Variants in ZFP2 observed in about 807,000 individuals in gnomAD.
ZFP2 encodes the protein ZFP2 zinc finger protein.
A neutral mutation model predicts 36.1 loss-of-function variants in ZFP2; 33 were observed. That is an observed-to-expected ratio of 0.92 (90% CI 0.69 to 1.22). ZFP2 has a LOEUF of 1.22. ZFP2 is among the 50% of genes most tolerant of loss of function. The pLI is 0.00. For synonymous variants in ZFP2, 170 were observed against 178.0 expected (o/e 0.96, Z 0.36); for missense variants, 522 against 551.4 (o/e 0.95, Z 0.53).
intron 1 of ZFP2, among the ~76,000 whole-genome samples, chr5:178,898,421 T>G (rs1268730295): frequency 1.3e-5 from 2 of 152,276 alleles, no homozygotes; most frequent in Admixed American, 1.3e-4. Context: ...GTCTTTCGTC[T>G]TTGTATAGCT....
At chr5:178,916,090 G>C (rs28663209) in intron 3 of ZFP2, among the ~76,000 whole-genome samples, 1,717 of 152,190 alleles carry the variant, frequency 0.011, 31 homozygotes, top group African/African-American at 0.039. Flanking sequence ...ACATAGTGAG[G>C]GGGCCAAGGA....
chr5:178,918,270 C>T (rs1330178321), intron 4 of ZFP2, among the ~76,000 whole-genome samples: 1 of 152,114 alleles, frequency 6.6e-6, no homozygotes, highest in East Asian at 1.9e-4. Flanking sequence ...ACCAGTTTGA[C>T]TGCTATATGG....
chr5:178,897,710 A>G (rs1345953535), intron 1 of ZFP2, among the ~76,000 whole-genome samples: 1 of 152,160 alleles, frequency 6.6e-6, no homozygotes, highest in Non-Finnish European at 1.5e-5. Flanking sequence ...TAGAATTTTA[A>G]TTTGTTCCAT....
intron 4 of ZFP2, among the ~76,000 whole-genome samples, chr5:178,924,203 C>G (rs966020902): frequency 6.7e-6 from 1 of 148,394 alleles, no homozygotes; most frequent in Admixed American, 6.8e-5. Context: ...GAAACCCCGT[C>G]TGTACTAAAA....
intron 4 of ZFP2, among the ~76,000 whole-genome samples, chr5:178,918,105 A>G (rs1270691846): frequency 6.6e-6 from 1 of 152,196 alleles, no homozygotes; most frequent in Non-Finnish European, 1.5e-5. Flanking sequence ...GTTTTTCTGT[A>G]AGGTATACCA....
At chr5:178,931,096 G>C (rs1260863530) in intron 4 of ZFP2, 141 bp from the exon 5 acceptor site, 1 of 849,188 alleles carries the variant, frequency 1.2e-6, no homozygotes, top group Non-Finnish European at 1.7e-6. Context: ...CCTAATTTTG[G>C]GTACATGTTT....
intron 4 of ZFP2, among the ~76,000 whole-genome samples, chr5:178,931,018 C>T (rs923315266): frequency 3.3e-5 from 5 of 152,188 alleles, no homozygotes; most frequent in Admixed American, 3.3e-4. Flanking sequence ...TCTGCCATCC[C>T]CTGCTTTCAG....
At chr5:178,917,217 G>A (rs1758450824) in intron 4 of ZFP2, among the ~76,000 whole-genome samples, 1 of 152,194 alleles carries the variant, frequency 6.6e-6, no homozygotes, top group Admixed American at 6.5e-5. Context: ...CAAAGATTAT[G>A]TGTAAAAATA....
chr5:178,903,400 A>G (rs1368628989), intron 1 of ZFP2, among the ~76,000 whole-genome samples: 12 of 152,198 alleles, frequency 7.9e-5, no homozygotes, highest in Non-Finnish European at 2.9e-5. Flanking sequence ...AAAGGCAATG[A>G]GAGAGAATTC....
At chr5:178,921,089 TCACATGTGTGTCA>T (rs1228314720) in intron 4 of ZFP2, among the ~76,000 whole-genome samples, 24 of 152,208 alleles carry the variant, frequency 1.6e-4, no homozygotes, top group African/African-American at 5.8e-4. Context: ...TGAATCTTGC[TCACATGTGTGTCA>T]CTCTGTGGCC....
At position 178,932,525 on chromosome 5, in the gene ZFP2, T is replaced by C; in HGVS notation, c.1212T>C (p.His404=). Residue 404 remains histidine, a synonymous_variant, in exon 5 of 5, where the codon CAT becomes CAC. Coordinates refer to ENST00000361362, the MANE Select transcript of ZFP2 (RefSeq NM_030613.4). ...ACCTTATTGAACATCAAAGAATTCA[T>C]ACTGGTGAGAAACCCTATGAATGTG... The part of the protein sequence containing the change: ...SAYLIEHQRI[H]TGEKPYECDQ... 3.1e-6 allele frequency: 5 copies of C among 1,614,142 alleles called. No individual in the cohort carries two copies. The highest frequency in any genetic ancestry group is 2.5e-6 in the Non-Finnish European group (3 of 1,180,020).
Position 178,916,688 on chromosome 5 carries a change from TA to T in ZFP2, c.-99del. 8.1e-6 allele frequency: 8 copies of T among 985,490 alleles called. No homozygotes were observed. The highest frequency in any genetic ancestry group is 9.6e-6 in the Non-Finnish European group (8 of 829,946). 61.0% of individuals were successfully genotyped at this position (985,490 alleles called of 1,614,324 possible). On this transcript the variant is annotated 5_prime_UTR_variant, in exon 4 of 5. Coordinates refer to ENST00000361362, the MANE Select transcript of ZFP2 (RefSeq NM_030613.4). ...GCTCTTCCACAGCCAGCATCTCACT[TA>T]CTTGACACAAAACATCTATAGGTAA...
rs149454974 is a variant in ZFP2, at chr5:178,931,304, T to TG, written c.-6dup. ...CGGGTATTACTGAAGATTTATGCCA[T>TG]GGGGTAACAATGGAAAGGGAAGGTA... On this transcript the variant is annotated 5_prime_UTR_variant, in exon 5 of 5. The change creates a premature stop within an existing upstream ORF in the 5' untranslated region. Transcript: ENST00000361362. The TG allele has an allele frequency of 6.4e-7, 1 of 1,574,372 alleles. No homozygotes were observed. The highest frequency in any genetic ancestry group is 1.9e-5 in the Admixed American group (1 of 52,744).
rs528995117 is a variant in ZFP2 at position 178,931,549 on chromosome 5, A to T, written c.236A>T (p.His79Leu). 138 of 1,614,198 alleles carry T rather than the reference A, an allele frequency of 8.5e-5. No homozygotes were observed. The South Asian group carries it at 1.5e-3, about 17-fold the overall frequency. ...MVKRPHNCNSHGEDATQNSEL... is the reference protein window; with the variant it reads ...MVKRPHNCNSLGEDATQNSEL... ...AAAAGGCCCCATAACTGTAATTCACATGGAGAAGATGCCACACAAAATTCT... is the reference window on the plus strand; with the variant it reads ...AAAAGGCCCCATAACTGTAATTCACTTGGAGAAGATGCCACACAAAATTCT... Residue 79 changes from histidine (H) to leucine (L), a missense_variant, in exon 5 of 5, where the codon CAT becomes CTT. Transcript: ENST00000361362.
intron 4 of ZFP2, among the ~76,000 whole-genome samples, chr5:178,926,547 C>T (rs1364953768): frequency 2.7e-5 from 4 of 150,750 alleles, no homozygotes; most frequent in South Asian, 2.1e-4. Flanking sequence ...GATGGAGTCT[C>T]GCTGTGTCGC....
Position 178,932,301 on chromosome 5 carries a change from G to C in ZFP2, c.988G>C (p.Glu330Gln), listed in dbSNP as rs779796748. The C allele has an allele frequency of 6.2e-7, 1 of 1,614,030 alleles. No homozygotes were observed. The highest frequency in any genetic ancestry group is 8.5e-7 in the Non-Finnish European group (1 of 1,180,030). Residue 330 changes from glutamate (E) to glutamine (Q), a missense_variant, in exon 5 of 5, where the codon GAG becomes CAG. Physicochemically the swap from Glu to Gln is conservative, Grantham distance 29. Coordinates refer to ENST00000361362, the MANE Select transcript of ZFP2 (RefSeq NM_030613.4). ...HSGVKPFECNECGKAFSKNSS... is the reference protein window; with the variant it reads ...HSGVKPFECNQCGKAFSKNSS... ...TGGAGTAAAACCTTTTGAATGTAAC[G>C]AGTGTGGAAAAGCTTTCAGTAAGAA...
chr5:178,897,843 G>A (rs1757973983), intron 1 of ZFP2, among the ~76,000 whole-genome samples: 1 of 152,152 alleles, frequency 6.6e-6, no homozygotes, highest in Non-Finnish European at 1.5e-5. Flanking sequence ...GGTCAACAAT[G>A]TATCTGGTAA....
rs1359576648 is a variant in ZFP2 at position 178,932,211 on chromosome 5, T to A, written c.898T>A (p.Cys300Ser). ...RNHTGEKPYK[C>S]NKCGKSFSQS... ...TCACACTGGAGAAAAACCTTACAAA[T>A]GTAACAAATGCGGGAAATCCTTTAG... Residue 300 changes from cysteine to serine, a missense_variant, in exon 5 of 5, where the codon TGT (cysteine) becomes AGT (serine). Cys to Ser is a moderately radical substitution (Grantham distance 112, BLOSUM62 -1). Transcript: ENST00000361362. 1 of 1,614,126 alleles carries A rather than the reference T, an allele frequency of 6.2e-7. No individual in the cohort carries two copies. The highest frequency in any genetic ancestry group is 8.5e-7 in the Non-Finnish European group (1 of 1,180,014).
At chr5:178,920,323 A>G (rs1179875382) in intron 4 of ZFP2, among the ~76,000 whole-genome samples, 1 of 152,076 alleles carries the variant, frequency 6.6e-6, no homozygotes, top group African/African-American at 2.4e-5. Context: ...TTCTATATCA[A>G]TAAATAAGTG....
Sources: gnomAD v4.1 joint callset for allele counts (sites outside exome capture counted in the v4.1 genomes callset) on GRCh38, gnomAD v4.1.1 for gene constraint, MANE v1.5 for transcripts, NCBI Gene and HGNC (gene_info 2026-07-23, HGNC 2026-07-21) for gene names.